Variants in RIC1 observed in about 807,000 individuals in gnomAD.
RIC1 encodes the protein guanine nucleotide exchange factor subunit RIC1.
RIC1 carries 88 observed loss-of-function variants against 169.0 expected under a neutral mutation model. That is an observed-to-expected ratio of 0.52 (90% CI 0.44 to 0.62). RIC1 has a LOEUF of 0.62. Among genes scored for constraint, RIC1 ranks in the 20% least tolerant of loss-of-function variants. The pLI, the probability that RIC1 is intolerant of heterozygous loss-of-function variation, is 0.00. For synonymous variants in RIC1, 790 were observed against 601.5 expected (o/e 1.31, Z -4.59); for missense variants, 1,877 against 1,725.5 (o/e 1.09, Z -1.56).
downstream of RIC1, among the ~76,000 whole-genome samples, chr9:5,778,349 T>C (rs538602367): frequency 7.4e-4 from 113 of 152,338 alleles, no homozygotes; most frequent in African/African-American, 2.5e-3. Flanking sequence ...CAGAGATAGT[T>C]TGAACTCTTC....
chr9:5,647,364 A>G (rs1011078921), intron 1 of RIC1, among the ~76,000 whole-genome samples: 4 of 152,364 alleles, frequency 2.6e-5, no homozygotes, highest in African/African-American at 7.2e-5. Flanking sequence ...TAGGATTTTG[A>G]AAGGACTTAC....
At chr9:5,632,689 A>C (rs192913882) in intron 1 of RIC1, among the ~76,000 whole-genome samples, 24 of 152,276 alleles carry the variant, frequency 1.6e-4, no homozygotes, top group Admixed American at 1.3e-3. Flanking sequence ...TTGTAAAAGG[A>C]CTAGTTTCAG....
intron 8 of RIC1, among the ~76,000 whole-genome samples, chr9:5,739,788 G>C (rs987220308): frequency 5.3e-5 from 8 of 152,172 alleles, no homozygotes; most frequent in Admixed American, 2.0e-4. Context: ...AGGTTCACCA[G>C]AGTTTACAAA....
At chr9:5,734,893 A>G (rs1288634383) in intron 7 of RIC1, among the ~76,000 whole-genome samples, 2 of 152,218 alleles carry the variant, frequency 1.3e-5, no homozygotes, top group African/African-American at 4.8e-5. Flanking sequence ...TTTCTAAAAA[A>G]GGAGACATTC....
At chr9:5,718,463 T>C (rs917278456) in intron 4 of RIC1, among the ~76,000 whole-genome samples, 8 of 152,236 alleles carry the variant, frequency 5.3e-5, no homozygotes, top group East Asian at 1.9e-4. Context: ...TTACAGCATT[T>C]ATAAAACAAT....
At chr9:5,640,363 A>G (rs1430051011) in intron 1 of RIC1, among the ~76,000 whole-genome samples, 1 of 152,188 alleles carries the variant, frequency 6.6e-6, no homozygotes, top group Non-Finnish European at 1.5e-5. Context: ...GTGTAATTAA[A>G]AGTGTAATTA....
chr9:5,770,766 C>T (rs1827161764), intron 23 of RIC1, among the ~76,000 whole-genome samples: 2 of 152,110 alleles, frequency 1.3e-5, no homozygotes, highest in Admixed American at 6.5e-5. Flanking sequence ...TACATAATAT[C>T]CTTGATTTTG....
chr9:5,763,007 A>G lies in RIC1; in HGVS notation c.2113-133A>G, dbSNP rs1430578449. 2 of 1,064,460 alleles carry G rather than the reference A, an allele frequency of 1.9e-6. No homozygotes were observed. The highest frequency in any genetic ancestry group is 2.6e-6 in the Non-Finnish European group (2 of 755,784). The allele number at this position is 1,064,460 out of a possible 1,614,324, so 65.9% of individuals were successfully genotyped here. A position where few individuals can be genotyped will look rare whatever the true frequency, so the allele number is the denominator to read the frequency against. Reference sequence around the variant, plus strand: ...GGATACTTTTATTAACTCTAATTCTAATTAGATCCCTTTGCTTTTCCCAAA... The same window carrying G: ...GGATACTTTTATTAACTCTAATTCTGATTAGATCCCTTTGCTTTTCCCAAA... On this transcript the variant is annotated intron_variant, in intron 18 of 25. Transcript: ENST00000414202. This position sits in a 1 kb window ranked among gnomAD's most constrained non-coding sequence, Gnocchi z 5.2.
At position 5,643,848 on chromosome 9, in the gene RIC1, A is replaced by G. The variant is rs936768171; in HGVS notation, c.145-12735A>G. Among the ~76,000 whole-genome samples the G allele has an allele frequency of 9.8e-4, 149 of 152,226 alleles. 3 individuals are homozygous for G. The highest frequency in any genetic ancestry group is 9.6e-3 in the Admixed American group (146 of 15,286). On this transcript the variant is annotated intron_variant, in intron 1 of 25. Transcript: ENST00000414202. ...TTTTGGAATTTACACCTGCCACAAA[A>G]TGAGACAGTTTCTTCGTTCAGATTT... is the stretch of plus-strand genomic sequence containing the variant.
chr9:5,685,266 GA>G (rs994701158), intron 2 of RIC1, among the ~76,000 whole-genome samples: 1 of 149,556 alleles, frequency 6.7e-6, no homozygotes, highest in Non-Finnish European at 1.5e-5. Context: ...CACAGAATTG[GA>G]AAAAACTACT....
intron 2 of RIC1, among the ~76,000 whole-genome samples, chr9:5,657,827 T>C (rs1819191341): frequency 6.6e-6 from 1 of 152,154 alleles, no homozygotes; most frequent in Admixed American, 6.5e-5. Context: ...TTTTTACATA[T>C]TTAAATAATC....
intron 6 of RIC1, among the ~76,000 whole-genome samples, chr9:5,729,196 T>TG (rs1180335871): frequency 6.6e-6 from 1 of 152,218 alleles, no homozygotes; most frequent in East Asian, 1.9e-4. Flanking sequence ...GTTTTCAGTG[T>TG]GGTCCATAGG....
At chr9:5,651,093 G>A (rs1378931373) in intron 1 of RIC1, among the ~76,000 whole-genome samples, 1 of 152,184 alleles carries the variant, frequency 6.6e-6, no homozygotes, top group Non-Finnish European at 1.5e-5. Context: ...TGGTCTCTAA[G>A]AAGTTCTCTA....
At chr9:5,751,011 G>T in intron 12 of RIC1, among the ~76,000 whole-genome samples, 1 of 151,728 alleles carries the variant, frequency 6.6e-6, no homozygotes, top group African/African-American at 2.4e-5. Context: ...AGAATAAATT[G>T]TTTTATAGAT....
At chr9:5,729,729 C>G (rs897709385) in intron 6 of RIC1, among the ~76,000 whole-genome samples, 13 of 152,012 alleles carry the variant, frequency 8.6e-5, no homozygotes, top group African/African-American at 2.9e-4. Context: ...ATATTCCTAT[C>G]TACTATCTTC....
At chr9:5,643,598 C>T (rs576239416) in intron 1 of RIC1, among the ~76,000 whole-genome samples, 29 of 152,124 alleles carry the variant, frequency 1.9e-4, no homozygotes, top group African/African-American at 7.0e-4. Flanking sequence ...ATGCAAGGTG[C>T]TTAAAAATAA....
chr9:5,666,773 A>T (rs1388454949), intron 2 of RIC1, among the ~76,000 whole-genome samples: 1 of 150,360 alleles, frequency 6.7e-6, no homozygotes, highest in Non-Finnish European at 1.5e-5. Flanking sequence ...GGACTTTTGC[A>T]TCTGTATTCA....
At chr9:5,743,212 A>G (rs1451898732) in intron 9 of RIC1, among the ~76,000 whole-genome samples, 199 bp downstream of exon 9, 1 of 152,134 alleles carries the variant, frequency 6.6e-6, no homozygotes, top group African/African-American at 2.4e-5. Flanking sequence ...TTCCACAAAA[A>G]TGTATTTATT....
At chr9:5,748,809 A>G (rs914221783) in intron 12 of RIC1, 22 of 152,512 alleles carry the variant, frequency 1.4e-4, no homozygotes, top group African/African-American at 4.8e-5. Context: ...TTAAGCATCT[A>G]TGAAGTACCC....
Sources: allele counts gnomAD v4.1 joint callset (sites outside exome capture counted in the v4.1 genomes callset), GRCh38; gene constraint gnomAD v4.1.1; non-coding constraint Gnocchi (gnomAD v3.1); transcripts MANE v1.5; gene names NCBI Gene and HGNC (gene_info 2026-07-23, HGNC 2026-07-21).